Variants in RTN1 observed in about 807,000 individuals in gnomAD.
The protein encoded by RTN1 is reticulon 1.
In RTN1, 25 loss-of-function variants were observed where a neutral mutation model predicts 65.5. That is an observed-to-expected ratio of 0.38 (90% CI 0.28 to 0.53). The LOEUF (loss-of-function observed/expected upper bound fraction) is 0.53, where lower values mean the gene tolerates loss of function less well. Among genes scored for constraint, RTN1 ranks in the 20% least tolerant of loss-of-function variants. The pLI is 0.79. For missense variants in RTN1, 983 were observed against 1,025.4 expected (o/e 0.96, Z 0.57); for synonymous variants, 471 against 447.6 (o/e 1.05, Z -0.66).
At chr14:59,668,703 A>G (rs553039894) in intron 3 of RTN1, among the ~76,000 whole-genome samples, 1 of 152,340 alleles carries the variant, frequency 6.6e-6, no homozygotes, top group African/African-American at 2.4e-5. Flanking sequence ...CAATCTACCC[A>G]TCTGACAAAG....
At chr14:59,722,064 C>T (rs946082902) in intron 3 of RTN1, among the ~76,000 whole-genome samples, 2 of 151,904 alleles carry the variant, frequency 1.3e-5, no homozygotes, top group Non-Finnish European at 2.9e-5. Context: ...ATATTTTTGC[C>T]CACCTGCTAT....
intron 8 of RTN1, among the ~76,000 whole-genome samples, chr14:59,602,352 T>C (rs780084361): frequency 3.9e-4 from 59 of 152,252 alleles, no homozygotes; most frequent in Non-Finnish European, 7.2e-4. Flanking sequence ...AAATATTGAA[T>C]AATAATGCAA....
At position 59,870,405 on chromosome 14, in the gene RTN1, C is replaced by A; in HGVS notation, c.226G>T (p.Glu76Ter). The part of the protein sequence containing the change: ...GPARQSPVAM[E>*]TASTGVAGVS... Reference sequence around the variant, plus strand: ...CCCGCCTTACCTGTGGATGCAGTTTCCATGGCAACGGGCGACTGCCGGGCG... The same window carrying A: ...CCCGCCTTACCTGTGGATGCAGTTTACATGGCAACGGGCGACTGCCGGGCG... The change falls in exon 1 of 9, where the codon GAA becomes TAA. Residue 76 changes from glutamate to a stop codon, truncating the protein, a stop_gained. Coordinates refer to ENST00000267484, the MANE Select transcript of RTN1 (RefSeq NM_021136.3). LOFTEE classifies it high-confidence loss of function. This position sits in a 1 kb window ranked among gnomAD's most constrained non-coding sequence, Gnocchi z 5.1. The A allele has an allele frequency of 6.6e-7, 1 of 1,526,220 alleles. No homozygotes were observed. The allele number at this position is 1,526,220 out of a possible 1,614,324, so 94.5% of individuals were successfully genotyped here.
At position 59,615,151 on chromosome 14, in the gene RTN1, G is replaced by A. The variant is rs149844150; in HGVS notation, c.1766-7659C>T. Among the ~76,000 whole-genome samples the A allele has an allele frequency of 3.9e-4, 59 of 152,150 alleles. No homozygotes were observed. The East Asian group carries it at 6.4e-3, about 16-fold the overall frequency. On this transcript the variant is annotated intron_variant, in intron 3 of 8. Transcript: ENST00000267484. ...GAAATTATTTAGCTTTTTTCCTTAG[G>A]TTAAAACATTAAAAGCGGCTGGGCA...
chr14:59,847,030 C>G (rs1431532640), intron 1 of RTN1, among the ~76,000 whole-genome samples: 1 of 152,210 alleles, frequency 6.6e-6, no homozygotes, highest in Non-Finnish European at 1.5e-5. Context: ...GTGGTGCTGT[C>G]CCTCTCTGAA....
At chr14:59,708,766 A>G (rs1044927456) in intron 3 of RTN1, among the ~76,000 whole-genome samples, 1 of 152,248 alleles carries the variant, frequency 6.6e-6, no homozygotes, top group Non-Finnish European at 1.5e-5. Context: ...GTTACTAAGA[A>G]GTCAGGAAGA....
At chr14:59,838,286 C>T (rs1418140352) in intron 1 of RTN1, among the ~76,000 whole-genome samples, 2 of 152,182 alleles carry the variant, frequency 1.3e-5, no homozygotes, top group Non-Finnish European at 2.9e-5. Context: ...TCAGTTCAAC[C>T]TTTCCGAAAG....
chr14:59,689,149 TA>T (rs1883905442), intron 3 of RTN1, among the ~76,000 whole-genome samples: 1 of 152,144 alleles, frequency 6.6e-6, no homozygotes, highest in Non-Finnish European at 1.5e-5. Flanking sequence ...AAAACTCATT[TA>T]AGAAATTTCA....
chr14:59,750,549 TATA>T lies in RTN1; in HGVS notation c.242-4071_242-4069del, dbSNP rs1163673327. Among the ~76,000 whole-genome samples, 189 of 38,062 alleles carry T rather than the reference TATA, an allele frequency of 5.0e-3. 10 individuals are homozygous for T. Among genetic ancestry groups the T allele is most frequent in the East Asian group, 8.8e-3 (8 of 914 alleles). The allele number at this position is 38,062 out of a possible 152,430, so 25.0% of individuals were successfully genotyped here. A position where few individuals can be genotyped will look rare whatever the true frequency, so the allele number is the denominator to read the frequency against. ...TAATATATATAATATATCTATAATATATAATATATCTATAATATATATATTATA... is the reference window on the plus strand; with the variant it reads ...TAATATATATAATATATCTATAATATATATATCTATAATATATATATTATA... On this transcript the variant is annotated intron_variant, in intron 1 of 8. Coordinates refer to ENST00000267484, the MANE Select transcript of RTN1 (RefSeq NM_021136.3).
chr14:59,857,391 T>C (rs1027659334), intron 1 of RTN1, among the ~76,000 whole-genome samples: 1 of 152,210 alleles, frequency 6.6e-6, no homozygotes, highest in African/African-American at 2.4e-5. Flanking sequence ...TTGTCATTAT[T>C]TCAAGCCTCA....
At chr14:59,687,367 T>C (rs1883868461) in intron 3 of RTN1, among the ~76,000 whole-genome samples, 1 of 151,784 alleles carries the variant, frequency 6.6e-6, no homozygotes, top group African/African-American at 2.4e-5. Flanking sequence ...GAGCACCCCC[T>C]TGCCTGGATC....
intron 1 of RTN1, among the ~76,000 whole-genome samples, chr14:59,814,132 C>T (rs1017468803): frequency 3.3e-5 from 5 of 152,284 alleles, no homozygotes; most frequent in East Asian, 1.9e-4. Context: ...AAAATGGTTG[C>T]TGTACCCTCA....
rs141708359 is a variant in RTN1, at chr14:59,837,045, A to ATATATATATATATT, written c.241+33344_241+33345insAATATATATATATA. ...GGGGTAAGTATGGCCATATATATAT[A>ATATATATATATATT]AAAGGAGAAATAGGACTACCTCATA... On this transcript the variant is annotated intron_variant, in intron 1 of 8. Coordinates refer to ENST00000267484, the MANE Select transcript of RTN1 (RefSeq NM_021136.3). Among the ~76,000 whole-genome samples the ATATATATATATATT allele has an allele frequency of 9.2e-5, 14 of 151,722 alleles. 1 individual carries two copies. Among genetic ancestry groups the ATATATATATATATT allele is most frequent in the Admixed American group, 6.6e-4 (10 of 15,236 alleles).
intron 1 of RTN1, among the ~76,000 whole-genome samples, chr14:59,749,757 T>TTATATATCTATATGTATATTTA (rs1566712695): frequency 9.9e-5 from 9 of 91,242 alleles, no homozygotes; most frequent in East Asian, 3.0e-4. Flanking sequence ...ATATGTATAT[T>TTATATATCTATATGTATATTTA]TATATATCTA....
intron 3 of RTN1, among the ~76,000 whole-genome samples, chr14:59,621,197 A>G (rs575551095): frequency 2.0e-5 from 3 of 152,398 alleles, no homozygotes; most frequent in African/African-American, 7.2e-5. Flanking sequence ...TAAGAAAAAT[A>G]TAAGTAACCC....
At chr14:59,734,066 C>T (rs1345461405) in intron 2 of RTN1, among the ~76,000 whole-genome samples, 2 of 152,240 alleles carry the variant, frequency 1.3e-5, no homozygotes, top group African/African-American at 4.8e-5. Flanking sequence ...CCAACTTTCA[C>T]TGCTGATGCC....
chr14:59,856,223 T>G (rs1331383443), intron 1 of RTN1, among the ~76,000 whole-genome samples: 1 of 152,188 alleles, frequency 6.6e-6, no homozygotes, highest in Non-Finnish European at 1.5e-5. Context: ...GATTTTTAGC[T>G]GTATTTAGCA....
intron 3 of RTN1, among the ~76,000 whole-genome samples, chr14:59,716,593 C>A (rs946356224): frequency 2.6e-5 from 4 of 152,230 alleles, no homozygotes; most frequent in Admixed American, 6.5e-5. Context: ...GCGATGTGAA[C>A]ATTGTAAATT....
chr14:59,846,685 T>C lies in RTN1; in HGVS notation c.241+23705A>G, dbSNP rs1382098841. Among the ~76,000 whole-genome samples, 1 of 152,224 alleles carries C rather than the reference T, an allele frequency of 6.6e-6. No homozygotes were observed. The highest frequency in any genetic ancestry group is 2.4e-5 in the African/African-American group (1 of 41,450). ...TTTTACTCCTTGATGCATACATTTA[T>C]TTGTAATAAAACAGTGTTTTGAATG... On this transcript the variant is annotated intron_variant, in intron 1 of 8. Coordinates refer to ENST00000267484, the MANE Select transcript of RTN1 (RefSeq NM_021136.3). This position sits in a 1 kb window ranked among gnomAD's most constrained non-coding sequence, Gnocchi z 4.8.
Sources: allele counts gnomAD v4.1 joint callset (sites outside exome capture counted in the v4.1 genomes callset), GRCh38; gene constraint gnomAD v4.1.1; non-coding constraint Gnocchi (gnomAD v3.1); transcripts MANE v1.5; gene names NCBI Gene and HGNC (gene_info 2026-07-23, HGNC 2026-07-21).